The following SNTG1 variants were observed in gnomAD, a reference collection of about 807,000 sequenced individuals.
SNTG1 encodes syntrophin gamma 1.
In SNTG1, 39 loss-of-function variants were observed where a neutral mutation model predicts 74.7. The observed-to-expected ratio is 0.52, with a 90% CI of 0.40 to 0.68. The LOEUF is 0.68. SNTG1 is among the 30% of genes least tolerant of loss of function. The pLI is 0.00. For synonymous variants in SNTG1, 254 were observed against 217.1 expected (o/e 1.17, Z -1.49); for missense variants, 685 against 609.5 (o/e 1.12, Z -1.30).
chr8:50,740,845 T>C (rs1028029886), intron 17 of SNTG1, among the ~76,000 whole-genome samples: 2 of 152,020 alleles, frequency 1.3e-5, no homozygotes, highest in Non-Finnish European at 2.9e-5. Context: ...TGCAGGCACA[T>C]GGATGGAGCT....
intron 5 of SNTG1, among the ~76,000 whole-genome samples, chr8:50,439,881 T>A (rs2093342659): frequency 6.6e-6 from 1 of 151,746 alleles, no homozygotes; most frequent in Non-Finnish European, 1.5e-5. Flanking sequence ...CTATTTCTGG[T>A]AGTAGAGCTT....
intron 1 of SNTG1, among the ~76,000 whole-genome samples, chr8:50,029,180 ATT>A (rs1817535662): frequency 1.3e-5 from 2 of 151,938 alleles, no homozygotes; most frequent in African/African-American, 4.8e-5. Context: ...GTCTTTTTAC[ATT>A]TGTTTTATAT....
At chr8:49,913,026 A>C (rs983491679) in intron 1 of SNTG1, among the ~76,000 whole-genome samples, 4 of 152,176 alleles carry the variant, frequency 2.6e-5, no homozygotes, top group Non-Finnish European at 4.4e-5. Context: ...GTTGATTCTT[A>C]TTTCTAGTTT....
intron 2 of SNTG1, among the ~76,000 whole-genome samples, chr8:50,339,855 AT>A (rs1205938718): frequency 6.6e-6 from 1 of 151,990 alleles, no homozygotes; most frequent in Admixed American, 6.5e-5. Flanking sequence ...AATGCTCTAA[AT>A]ATATCCATTA....
intron 1 of SNTG1, among the ~76,000 whole-genome samples, chr8:50,146,051 G>A (rs1402206127): frequency 2.0e-5 from 3 of 151,720 alleles, no homozygotes; most frequent in Admixed American, 6.6e-5. Context: ...AACTTATTAA[G>A]GCACTTTGGA....
chr8:50,534,504 A>T (rs531058059), intron 10 of SNTG1, among the ~76,000 whole-genome samples: 1 of 152,232 alleles, frequency 6.6e-6, no homozygotes, highest in East Asian at 1.9e-4. Flanking sequence ...CTTTAAAAAA[A>T]CTTTCTTGTC....
intron 13 of SNTG1, among the ~76,000 whole-genome samples, chr8:50,596,892 T>C (rs2094731124): frequency 6.6e-6 from 1 of 152,054 alleles, no homozygotes; most frequent in Non-Finnish European, 1.5e-5. Flanking sequence ...TCCATCACTT[T>C]AAACATTTAT....
chr8:50,450,834 A>G (rs2093449915), intron 8 of SNTG1, 105 bp downstream of exon 8: 1 of 1,112,104 alleles, frequency 9.0e-7, no homozygotes, highest in Admixed American at 2.7e-5. Context: ...TATGACATTT[A>G]TCCAGTTTGA....
chr8:50,055,662 T>A (rs1448565355), intron 1 of SNTG1, among the ~76,000 whole-genome samples: 1 of 152,032 alleles, frequency 6.6e-6, no homozygotes, highest in African/African-American at 2.4e-5. Context: ...AGCATGCCAA[T>A]TGAGGAAGCA....
chr8:50,339,671 A>C (rs2091260927), intron 2 of SNTG1, among the ~76,000 whole-genome samples: 1 of 151,948 alleles, frequency 6.6e-6, no homozygotes, highest in African/African-American at 2.4e-5. Context: ...AGGGAAGTAA[A>C]AATGGAGTCA....
intron 12 of SNTG1, among the ~76,000 whole-genome samples, chr8:50,584,805 C>A (rs770089422): frequency 1.1e-4 from 16 of 152,018 alleles, no homozygotes; most frequent in Non-Finnish European, 1.9e-4. Flanking sequence ...GATCTGGCAC[C>A]GACCACAACT....
chr8:50,438,613 C>A lies in SNTG1; in HGVS notation c.219+14C>A, dbSNP rs779607611. 21 of 1,604,774 alleles carry A rather than the reference C, an allele frequency of 1.3e-5. 1 individual carries two copies. The Admixed American group carries it at 3.5e-4, about 27-fold the overall frequency. On this transcript the variant is annotated intron_variant, in intron 5 of 18. Transcript: ENST00000642720. ...TTAAGCATAAAGGTAGCCTGCCTTT[C>A]TAGTCTATCCTTACAAAGGCCATGC...
At chr8:50,133,562 G>A (rs1337575030) in intron 1 of SNTG1, among the ~76,000 whole-genome samples, 4 of 152,012 alleles carry the variant, frequency 2.6e-5, no homozygotes, top group African/African-American at 7.2e-5. Context: ...CTAACATCAG[G>A]GAGTCAACAT....
At position 50,706,880 on chromosome 8, in the gene SNTG1, G is replaced by A. The variant is rs116256033; in HGVS notation, c.1192-2006G>A. 1.0e-3 allele frequency among the ~76,000 whole-genome samples: 157 copies of A among 151,704 alleles called. 1 individual carries two copies. The highest frequency in any genetic ancestry group is 3.6e-3 in the African/African-American group (149 of 41,434). On this transcript the variant is annotated intron_variant, in intron 16 of 18. Transcript: ENST00000642720. ...ATAAAGAAGGAATATAAGTTCTATC[G>A]TAAAACAAGCAGAAAGAAAAAAATT...
chr8:50,509,119 A>C (rs1298280614), intron 9 of SNTG1, among the ~76,000 whole-genome samples: 1 of 152,230 alleles, frequency 6.6e-6, no homozygotes, highest in Non-Finnish European at 1.5e-5. Flanking sequence ...GAAGGGATCC[A>C]GTTTCAGCTT....
chr8:50,663,606 G>A (rs909147474), intron 15 of SNTG1, among the ~76,000 whole-genome samples: 7 of 152,020 alleles, frequency 4.6e-5, no homozygotes, highest in African/African-American at 1.2e-4. Flanking sequence ...TCCCTAACAC[G>A]GCACTGTAGT....
At chr8:50,762,922 C>G (rs1563816676) in intron 18 of SNTG1, 1 of 276,384 alleles carries the variant, frequency 3.6e-6, no homozygotes, top group African/African-American at 2.3e-5. Context: ...GGGGATTTTT[C>G]TCCAAAATCC....
intron 11 of SNTG1, among the ~76,000 whole-genome samples, chr8:50,543,057 T>A (rs552432618): frequency 2.0e-5 from 3 of 152,250 alleles, no homozygotes; most frequent in African/African-American, 7.2e-5. Context: ...TTATTTTTTC[T>A]CTTGTGGTGC....
At chr8:50,425,342 A>C (rs545786070) in intron 4 of SNTG1, among the ~76,000 whole-genome samples, 27 of 151,578 alleles carry the variant, frequency 1.8e-4, no homozygotes, top group African/African-American at 5.8e-4. Flanking sequence ...GATCATCAGC[A>C]GCATCACATT....
Sources: gnomAD v4.1 joint callset for allele counts (sites outside exome capture counted in the v4.1 genomes callset) on GRCh38, gnomAD v4.1.1 for gene constraint, MANE v1.5 for transcripts, NCBI Gene and HGNC (gene_info 2026-07-23, HGNC 2026-07-21) for gene names.